PACRG: variants seen among roughly 807,000 people sequenced by gnomAD.
PACRG encodes the protein parkin coregulated, also known as parkin coregulated gene protein.
PACRG carries 29 observed loss-of-function variants against 29.7 expected under a neutral mutation model. The ratio of observed to expected loss-of-function variants is 0.98; its 90% CI spans 0.73 to 1.33. The LOEUF is 1.33. Among genes scored for constraint, PACRG ranks in the 40% most tolerant of loss-of-function variants. The probability of loss-of-function intolerance (pLI) is 0.00; values close to 1 mark genes in which losing one functional copy is unlikely to be tolerated. For missense variants in PACRG, 279 were observed against 316.2 expected, an observed-to-expected ratio of 0.88 and a Z score of 0.89; for synonymous variants, 116 against 118.7, an observed-to-expected ratio of 0.98 and a Z score of 0.15.
intron 4 of PACRG, among the ~76,000 whole-genome samples, chr6:163,144,773 G>GA (rs199800335): frequency 6.6e-6 from 1 of 150,724 alleles, no homozygotes; most frequent in Admixed American, 6.6e-5. Flanking sequence ...TCTCTCAAAA[G>GA]AAAAAAAAAG....
At chr6:162,917,644 T>A (rs1421090044) in intron 2 of PACRG, among the ~76,000 whole-genome samples, 1 of 152,158 alleles carries the variant, frequency 6.6e-6, no homozygotes, top group Non-Finnish European at 1.5e-5. Flanking sequence ...ACATCTATCT[T>A]CTTTAGCTAT....
intron 2 of PACRG, among the ~76,000 whole-genome samples, chr6:162,839,799 G>C (rs1049187507): frequency 6.6e-6 from 1 of 151,838 alleles, no homozygotes; most frequent in Non-Finnish European, 1.5e-5. Context: ...TCCAGTTTCA[G>C]CTTTCTACAT....
intron 2 of PACRG, among the ~76,000 whole-genome samples, chr6:163,007,911 C>T (rs1204929531): frequency 1.3e-5 from 2 of 152,116 alleles, no homozygotes; most frequent in African/African-American, 4.8e-5. Context: ...GCAGCATCCT[C>T]ACAGTGTGAC....
intron 4 of PACRG, among the ~76,000 whole-genome samples, chr6:163,287,534 G>A (rs1277280009): frequency 6.6e-6 from 1 of 152,166 alleles, no homozygotes; most frequent in Non-Finnish European, 1.5e-5. Flanking sequence ...GCCAGCTCTG[G>A]GGACACTTCG....
intron 4 of PACRG, chr6:163,179,234 T>G (rs1585302306): frequency 2.2e-6 from 1 of 455,826 alleles, no homozygotes; most frequent in Admixed American, 2.4e-5. Context: ...CCTCCGTAGG[T>G]TCTCCTGCCA....
intron 4 of PACRG, among the ~76,000 whole-genome samples, chr6:163,182,125 G>A (rs1308030554): frequency 6.6e-6 from 1 of 152,198 alleles, no homozygotes; most frequent in Non-Finnish European, 1.5e-5. Context: ...TCAGTTGAAA[G>A]TGATAGACTC....
intron 1 of PACRG, among the ~76,000 whole-genome samples, chr6:162,785,861 A>C (rs1784429447): frequency 6.6e-6 from 1 of 152,152 alleles, no homozygotes; most frequent in Non-Finnish European, 1.5e-5. Context: ...GGGGACCCCT[A>C]CCATGTAGGA....
chr6:163,152,786 C>A (rs978385670), intron 4 of PACRG, among the ~76,000 whole-genome samples: 2 of 152,184 alleles, frequency 1.3e-5, no homozygotes, highest in African/African-American at 4.8e-5. Flanking sequence ...TTTGAAAAAT[C>A]TTCGTTTTAT....
chr6:163,192,318 C>A (rs755711737), intron 4 of PACRG, among the ~76,000 whole-genome samples: 3 of 152,196 alleles, frequency 2.0e-5, no homozygotes, highest in Non-Finnish European at 4.4e-5. Flanking sequence ...GTATGGTCTT[C>A]CTACAGATAC....
At chr6:162,783,494 A>G (rs950399587) in intron 1 of PACRG, among the ~76,000 whole-genome samples, 1 of 151,990 alleles carries the variant, frequency 6.6e-6, no homozygotes, top group African/African-American at 2.4e-5. Flanking sequence ...TTTTTCATTT[A>G]TCATTATGTA....
At chr6:162,793,408 T>C (rs915173581) in intron 1 of PACRG, among the ~76,000 whole-genome samples, 2 of 152,198 alleles carry the variant, frequency 1.3e-5, no homozygotes, top group African/African-American at 4.8e-5. Flanking sequence ...CATTGAATGA[T>C]CTCATATAAC....
chr6:162,766,918 T>TA (rs1298369057), intron 1 of PACRG, among the ~76,000 whole-genome samples: 1 of 152,120 alleles, frequency 6.6e-6, no homozygotes, highest in Non-Finnish European at 1.5e-5. Context: ...GTATGTTCTT[T>TA]ACTGTTCAGT....
At chr6:162,821,278 G>C (rs985419822) in intron 2 of PACRG, among the ~76,000 whole-genome samples, 6 of 152,116 alleles carry the variant, frequency 3.9e-5, no homozygotes, top group African/African-American at 1.2e-4. Context: ...CTTCAAACTA[G>C]GGCATACGCC....
At chr6:163,255,510 G>A (rs1783071221) in intron 4 of PACRG, among the ~76,000 whole-genome samples, 1 of 152,228 alleles carries the variant, frequency 6.6e-6, no homozygotes. Flanking sequence ...CAAGCAGGAT[G>A]GCAGGTTGTC....
chr6:162,837,589 C>G (rs1431156067), intron 2 of PACRG, among the ~76,000 whole-genome samples: 1 of 152,118 alleles, frequency 6.6e-6, no homozygotes, highest in East Asian at 1.9e-4. Flanking sequence ...ATAATCCTCA[C>G]AACTTATCTG....
In PACRG at chr6:163,291,426, C is replaced by T. The variant is rs73784569; in HGVS notation, c.614-23401C>T. Among the ~76,000 whole-genome samples the T allele has an allele frequency of 8.0e-3, 1,190 of 148,842 alleles. 21 individuals are homozygous for T. The highest frequency in any genetic ancestry group is 0.028 in the African/African-American group (1,110 of 39,286). ...CCCTCTGCCTGCCCGAGCTGGCCTGCGGGTCACCCTGCAAGATGACCCCTC... is the reference window on the plus strand; with the variant it reads ...CCCTCTGCCTGCCCGAGCTGGCCTGTGGGTCACCCTGCAAGATGACCCCTC... On this transcript the variant is annotated intron_variant, in intron 4 of 4. Coordinates refer to ENST00000366888, the MANE Select transcript of PACRG (RefSeq NM_001080379.2).
rs145962908 is a variant in PACRG, at chr6:162,985,759, T to A, written c.292-76391T>A. 2.2e-3 allele frequency among the ~76,000 whole-genome samples: 340 copies of A among 152,114 alleles called. 4 individuals are homozygous for A. The highest frequency in any genetic ancestry group is 7.9e-3 in the African/African-American group (327 of 41,510). On this transcript the variant is annotated intron_variant, in intron 2 of 4. Coordinates refer to ENST00000366888, the MANE Select transcript of PACRG (RefSeq NM_001080379.2). The stretch of plus-strand genomic sequence containing the variant: ...GGCATTCAAAATGGTAAAGAGGAAG[T>A]CAAACTGTTGCTGTTTCCTGATAAT...
chr6:162,939,861 G>A (rs374708058), intron 2 of PACRG, among the ~76,000 whole-genome samples: 10 of 151,906 alleles, frequency 6.6e-5, no homozygotes, highest in South Asian at 2.1e-4. Flanking sequence ...TTTATTTAGC[G>A]CCTGCTGTCA....
intron 1 of PACRG, among the ~76,000 whole-genome samples, chr6:162,755,808 A>G (rs143541736): frequency 0.01 from 1,589 of 152,160 alleles, 34 homozygotes; most frequent in African/African-American, 0.035. Context: ...GCTTCATTCC[A>G]TACGTTTTGG....
Sources: allele counts gnomAD v4.1 joint callset (sites outside exome capture counted in the v4.1 genomes callset), GRCh38; gene constraint gnomAD v4.1.1; transcripts MANE v1.5; gene names NCBI Gene and HGNC (gene_info 2026-07-23, HGNC 2026-07-21).